Variants in MACROD2 observed in about 807,000 individuals in gnomAD.
The protein encoded by MACROD2 is mono-ADP ribosylhydrolase 2.
Under a neutral mutation model 70.4 loss-of-function variants are expected in MACROD2, and 36 were observed. That is an observed-to-expected ratio of 0.51 (90% CI 0.39 to 0.68). The LOEUF (loss-of-function observed/expected upper bound fraction) is 0.68. Ranked by LOEUF, MACROD2 falls within the 30% of genes least tolerant of loss-of-function variation. The pLI is 0.00. For synonymous variants in MACROD2, 172 were observed against 178.8 expected, an observed-to-expected ratio of 0.96 and a Z score of 0.30; for missense variants, 496 against 538.4, an observed-to-expected ratio of 0.92 and a Z score of 0.78.
Position 14,085,694 on chromosome 20 carries a change from C to T in MACROD2, c.237C>T (p.Ile79=). The change falls in exon 3 of 18, where the codon ATC becomes ATT. Residue 79 remains isoleucine, a synonymous_variant. Transcript: ENST00000684519. ...TEKVSLYRGD[I]TLLEVDAIVN... ...AAGTTTCTCTCTATAGAGGTGACAT[C>T]ACATTGCTAGAGGTAGATGCTATAG... 6.4e-7 allele frequency: 1 copy of T among 1,566,950 alleles called. No individual in the cohort carries two copies. Among genetic ancestry groups the T allele is most frequent in the Non-Finnish European group, 8.7e-7 (1 of 1,155,632 alleles).
rs2046803268 is a variant in MACROD2 at position 15,460,993 on chromosome 20, TATATATATATA to T, written c.571+29559_571+29569del. On this transcript the variant is annotated intron_variant, in intron 7 of 17. Coordinates refer to ENST00000684519, the MANE Select transcript of MACROD2 (RefSeq NM_001351661.2). ...CTCTCTCTCCATATATATATATATA[TATATATATATA>T]TATTTTTTTTTAATAGATGGGGTCT... Among the ~76,000 whole-genome samples, 18 of 81,570 alleles carry T rather than the reference TATATATATATA, an allele frequency of 2.2e-4. 2 individuals carry two copies. Among genetic ancestry groups the T allele is most frequent in the Non-Finnish European group, 3.9e-4 (15 of 38,392 alleles). 53.5% of individuals were successfully genotyped at this position (81,570 alleles called of 152,430 possible).
chr20:15,692,857 A>G (rs2050315332), intron 8 of MACROD2, among the ~76,000 whole-genome samples: 1 of 152,122 alleles, frequency 6.6e-6, no homozygotes, highest in African/African-American at 2.4e-5. Flanking sequence ...TTGAATTGCA[A>G]CCACATGGGT....
chr20:14,425,740 G>A lies in MACROD2; in HGVS notation c.272-67739G>A, dbSNP rs114226605. 7.3e-3 allele frequency among the ~76,000 whole-genome samples: 1,116 copies of A among 152,134 alleles called. 11 individuals carry two copies. Among genetic ancestry groups the A allele is most frequent in the African/African-American group, 0.025 (1,027 of 41,504 alleles). ...CATCATCCTGGCCTGTCCCCTCACCGTTACCCTGGGGACTCTTCGCATCTT... is the reference window on the plus strand; with the variant it reads ...CATCATCCTGGCCTGTCCCCTCACCATTACCCTGGGGACTCTTCGCATCTT... On this transcript the variant is annotated intron_variant, in intron 3 of 17. Coordinates refer to ENST00000684519, the MANE Select transcript of MACROD2 (RefSeq NM_001351661.2).
At position 14,293,925 on chromosome 20, in the gene MACROD2, C is replaced by A. The variant is rs756565210; in HGVS notation, c.272-199554C>A. ...AAATTTAACATTACACCTTTTCCAG[C>A]AGCATTGCATTATTTCAAAAATGGT... On this transcript the variant is annotated intron_variant, in intron 3 of 17. Transcript: ENST00000684519. Among the ~76,000 whole-genome samples the A allele has an allele frequency of 2.6e-4, 40 of 151,922 alleles. 1 individual carries two copies. Among genetic ancestry groups the A allele is most frequent in the Non-Finnish European group, 5.4e-4 (37 of 67,988 alleles).
intron 3 of MACROD2, among the ~76,000 whole-genome samples, chr20:14,371,584 A>G (rs2083323945): frequency 6.6e-6 from 1 of 152,156 alleles, no homozygotes; most frequent in African/African-American, 2.4e-5. Flanking sequence ...TAGAGATTTT[A>G]AAATATAGAT....
chr20:14,674,182 A>G (rs1175993672), intron 4 of MACROD2, among the ~76,000 whole-genome samples: 4 of 152,132 alleles, frequency 2.6e-5, no homozygotes, highest in Admixed American at 2.6e-4. Flanking sequence ...GGTCCCAAGG[A>G]AAGAGACTAT....
intron 6 of MACROD2, among the ~76,000 whole-genome samples, chr20:15,292,256 G>A (rs2077547000): frequency 6.6e-6 from 1 of 152,096 alleles, no homozygotes; most frequent in Non-Finnish European, 1.5e-5. Flanking sequence ...CTTTGGAATT[G>A]TATAACTGTA....
intron 7 of MACROD2, among the ~76,000 whole-genome samples, chr20:15,441,585 G>A (rs1272091159): frequency 6.6e-6 from 1 of 151,762 alleles, no homozygotes; most frequent in Non-Finnish European, 1.5e-5. Flanking sequence ...CTTGTATGTG[G>A]GCCCTCTAAT....
At chr20:15,851,041 A>G (rs565091243) in intron 8 of MACROD2, among the ~76,000 whole-genome samples, 1 of 152,214 alleles carries the variant, frequency 6.6e-6, no homozygotes, top group South Asian at 2.1e-4. Flanking sequence ...AACGTTGGAA[A>G]TGATGGAAAA....
intron 5 of MACROD2, among the ~76,000 whole-genome samples, chr20:15,109,905 G>A (rs1228708291): frequency 4.0e-5 from 6 of 151,864 alleles, no homozygotes; most frequent in African/African-American, 9.7e-5. Context: ...TCTGGGAGCC[G>A]TTTTGTATTT....
chr20:14,453,158 T>C (rs1172317981), intron 3 of MACROD2, among the ~76,000 whole-genome samples: 2 of 152,148 alleles, frequency 1.3e-5, no homozygotes, highest in African/African-American at 4.8e-5. Flanking sequence ...GTGCTGATAG[T>C]GTTATTGCAT....
At chr20:14,050,831 ATAAAGT>A (rs1487050720) in intron 2 of MACROD2, among the ~76,000 whole-genome samples, 2 of 152,206 alleles carry the variant, frequency 1.3e-5, no homozygotes, top group African/African-American at 4.8e-5. Flanking sequence ...TGATTTAGAA[ATAAAGT>A]TGAAGAAACA....
intron 8 of MACROD2, among the ~76,000 whole-genome samples, chr20:15,545,675 A>C (rs1196302610): frequency 1.3e-5 from 2 of 152,168 alleles, no homozygotes; most frequent in Non-Finnish European, 2.9e-5. Flanking sequence ...TTTGGACTCG[A>C]GGATTAGAGA....
intron 12 of MACROD2, among the ~76,000 whole-genome samples, chr20:15,964,587 T>G (rs1418731407): frequency 6.6e-6 from 1 of 152,184 alleles, no homozygotes; most frequent in Non-Finnish European, 1.5e-5. Context: ...ACCATGAATA[T>G]ATGCATTTTC....
intron 6 of MACROD2, among the ~76,000 whole-genome samples, chr20:15,413,591 A>C (rs1191145195): frequency 6.6e-6 from 1 of 152,172 alleles, no homozygotes; most frequent in Non-Finnish European, 1.5e-5. Context: ...AGTGTTATTT[A>C]ATGTTTACTG....
chr20:14,750,611 C>T (rs796909269), intron 5 of MACROD2, among the ~76,000 whole-genome samples: 2 of 151,918 alleles, frequency 1.3e-5, no homozygotes, highest in South Asian at 4.2e-4. Flanking sequence ...AGGTGCATGC[C>T]ACCACACCCA....
chr20:14,611,546 G>A (rs1363441118), intron 4 of MACROD2, among the ~76,000 whole-genome samples: 1 of 136,206 alleles, frequency 7.3e-6, no homozygotes, highest in Non-Finnish European at 1.5e-5. Context: ...TCAAAACAAA[G>A]ATTTGATCTT....
intron 4 of MACROD2, among the ~76,000 whole-genome samples, chr20:14,638,517 G>C (rs1292007712): frequency 6.6e-6 from 1 of 152,160 alleles, no homozygotes; most frequent in Non-Finnish European, 1.5e-5. Flanking sequence ...GGACTCAGAA[G>C]ATGGGCCAGC....
At chr20:15,615,436 C>T (rs1023768704) in intron 8 of MACROD2, among the ~76,000 whole-genome samples, 3 of 152,118 alleles carry the variant, frequency 2.0e-5, no homozygotes, top group Non-Finnish European at 4.4e-5. Flanking sequence ...GGTATGTTGT[C>T]CTCTCGATGC....
Sources: allele counts gnomAD v4.1 joint callset (sites outside exome capture counted in the v4.1 genomes callset), GRCh38; gene constraint gnomAD v4.1.1; transcripts MANE v1.5; gene names NCBI Gene and HGNC (gene_info 2026-07-23, HGNC 2026-07-21).